The following SRRM3 variants were observed in gnomAD, a reference collection of about 807,000 sequenced individuals.
SRRM3 encodes the protein serine/arginine repetitive matrix 3, also known as serine/arginine repetitive matrix protein 3.
SRRM3 carries 27 observed loss-of-function variants against 66.2 expected under a neutral mutation model. The ratio of observed to expected loss-of-function variants is 0.41; its 90% CI spans 0.30 to 0.56. The LOEUF is 0.56. Ranked by LOEUF, SRRM3 falls within the 20% of genes least tolerant of loss-of-function variation. SRRM3 has a pLI of 0.32. For synonymous variants in SRRM3, 391 were observed against 414.9 expected (o/e 0.94, Z 0.70); for missense variants, 918 against 991.9 (o/e 0.93, Z 1.00).
chr7:76,235,232 G>A lies in SRRM3; in HGVS notation c.166G>A (p.Asp56Asn), dbSNP rs1554604696. 6.4e-7 allele frequency: 1 copy of A among 1,555,670 alleles called. No homozygotes were observed. Among genetic ancestry groups the A allele is most frequent in the East Asian group, 2.4e-5 (1 of 42,044 alleles). The change falls in exon 2 of 15, where the codon GAC (aspartate) becomes AAC (asparagine). Residue 56 changes from aspartate (D) to asparagine (N), a missense_variant. By Grantham distance (23) the Asp-to-Asn change is conservative (BLOSUM62 1). Transcript: ENST00000611745. The part of the protein sequence containing the change: ...LVKRAHREIL[D>N]HERKRRVELK... ...GAAGCGCGCGCACCGCGAGATCCTG[G>A]ACCACGAGCGCAAGCGGCGGGTGGA...
chr7:76,216,632 G>T (rs1800577155), intron 1 of SRRM3, among the ~76,000 whole-genome samples: 2 of 152,192 alleles, frequency 1.3e-5, no homozygotes, highest in African/African-American at 4.8e-5. Context: ...GTTCATTTTG[G>T]TGGGAGGGTC....
At chr7:76,223,520 A>G (rs556343319) in intron 1 of SRRM3, among the ~76,000 whole-genome samples, 1 of 152,264 alleles carries the variant, frequency 6.6e-6, no homozygotes, top group South Asian at 2.1e-4. Flanking sequence ...ATCTTGACAA[A>G]CGATTGTTGC....
At chr7:76,214,033 C>G (rs1800498899) in intron 1 of SRRM3, among the ~76,000 whole-genome samples, 1 of 152,134 alleles carries the variant, frequency 6.6e-6, no homozygotes, top group African/African-American at 2.4e-5. Flanking sequence ...CCACCTCAGC[C>G]TCCCAAAGTG....
chr7:76,271,853 C>T (rs1802222780), intron 11 of SRRM3, among the ~76,000 whole-genome samples: 1 of 152,204 alleles, frequency 6.6e-6, no homozygotes, highest in Non-Finnish European at 1.5e-5. Flanking sequence ...TCTCTCATGT[C>T]CCTAGGCCAA....
At chr7:76,228,989 C>G (rs894891233) in intron 1 of SRRM3, among the ~76,000 whole-genome samples, 1 of 151,692 alleles carries the variant, frequency 6.6e-6, no homozygotes, top group Non-Finnish European at 1.5e-5. Context: ...AGCTCTGCCC[C>G]CTGGGTTCAC....
At chr7:76,225,473 C>G (rs1456945453) in intron 1 of SRRM3, among the ~76,000 whole-genome samples, 1 of 141,346 alleles carries the variant, frequency 7.1e-6, no homozygotes, top group Non-Finnish European at 1.5e-5. Flanking sequence ...CCCCTCCCCG[C>G]CCCCCCCGCC....
intron 1 of SRRM3, among the ~76,000 whole-genome samples, chr7:76,207,467 T>C (rs1554601278): frequency 6.6e-6 from 1 of 152,206 alleles, no homozygotes. Flanking sequence ...GCAGGCTTTT[T>C]TCCATGTGTC....
chr7:76,272,277 T>C (rs894915391), intron 11 of SRRM3, among the ~76,000 whole-genome samples: 8 of 152,070 alleles, frequency 5.3e-5, no homozygotes, highest in African/African-American at 1.9e-4. Flanking sequence ...TTTCAGGGGA[T>C]GGGGCAGGCA....
At chr7:76,210,199 A>G (rs199636708) in intron 1 of SRRM3, among the ~76,000 whole-genome samples, 1 of 152,310 alleles carries the variant, frequency 6.6e-6, no homozygotes, top group East Asian at 1.9e-4. Flanking sequence ...AGCCCTTGGT[A>G]TCAGACAGAG....
intron 1 of SRRM3, among the ~76,000 whole-genome samples, chr7:76,213,554 C>T (rs1554602072): frequency 1.3e-5 from 2 of 152,042 alleles, no homozygotes; most frequent in East Asian, 1.9e-4. Flanking sequence ...GGGCAGGGAC[C>T]TCGTGGGATT....
At position 76,282,871 on chromosome 7, in the gene SRRM3, C is replaced by T. The variant is rs1051631185; in HGVS notation, c.1594C>T (p.Arg532Trp). Residue 532 changes from arginine (R) to tryptophan (W), a missense_variant and splice_region_variant, in exon 13 of 15, where the codon CGG (arginine) becomes TGG (tryptophan). Arg to Trp is a moderately radical substitution (Grantham distance 101). Transcript: ENST00000611745. ...RSPSPKKPLS[R>W]DKDGEGRARH... ...GCCGTCGCCCAAGAAGCCCCTCAGC[C>T]GGTGAGTGCCCGCCCGGACCGGGCC... The T allele has an allele frequency of 1.8e-5, 26 of 1,433,932 alleles. No homozygotes were observed. Among genetic ancestry groups the T allele is most frequent in the Non-Finnish European group, 2.4e-5 (26 of 1,097,590 alleles). 88.8% of individuals were successfully genotyped at this position (1,433,932 alleles called of 1,614,324 possible).
In SRRM3 at chr7:76,228,572, A is replaced by T. The variant is rs1583884168; in HGVS notation, c.-39-6456A>T. ...ACCCTGTCTCTACTAAAAATACAAA[A>T]AGTTAGCCGGGTGTAGTGGTGTGCA... On this transcript the variant is annotated intron_variant, in intron 1 of 14. Coordinates refer to ENST00000611745, the MANE Select transcript of SRRM3 (RefSeq NM_001110199.3). Among the ~76,000 whole-genome samples, 6 of 151,944 alleles carry T rather than the reference A, an allele frequency of 3.9e-5. No individual in the cohort carries two copies. In the South Asian group the frequency reaches 1.2e-3, roughly 32 times the overall value.
chr7:76,264,645 G>A, intron 8 of SRRM3, 120 bp from the exon 9 acceptor site: 2 of 1,014,016 alleles, frequency 2.0e-6, no homozygotes, highest in Admixed American at 2.5e-5. Context: ...GCCAGCCATG[G>A]GGCTTAGGCC....
At chr7:76,222,504 C>T (rs975423820) in intron 1 of SRRM3, among the ~76,000 whole-genome samples, 1 of 151,970 alleles carries the variant, frequency 6.6e-6, no homozygotes, top group South Asian at 2.1e-4. Context: ...TCCCTATTGC[C>T]TGCAGGGTGT....
chr7:76,204,292 C>A (rs1423614064), intron 1 of SRRM3, among the ~76,000 whole-genome samples: 3 of 152,118 alleles, frequency 2.0e-5, no homozygotes, highest in Non-Finnish European at 4.4e-5. Flanking sequence ...CCAGGGGCAC[C>A]AATGGGGAGG....
chr7:76,221,428 TCTC>T (rs1214693110), intron 1 of SRRM3, among the ~76,000 whole-genome samples: 8 of 144,584 alleles, frequency 5.5e-5, no homozygotes, highest in African/African-American at 1.8e-4. Flanking sequence ...AGTGGCATGA[TCTC>T]AGCTCACTGC....
intron 1 of SRRM3, among the ~76,000 whole-genome samples, chr7:76,224,701 T>C (rs1800810726): frequency 6.6e-6 from 1 of 152,144 alleles, no homozygotes; most frequent in Admixed American, 6.5e-5. Context: ...CGTACACTGA[T>C]ACACAGAGAT....
chr7:76,216,028 C>T (rs1417012826), intron 1 of SRRM3, among the ~76,000 whole-genome samples: 2 of 150,972 alleles, frequency 1.3e-5, no homozygotes, highest in East Asian at 1.9e-4. Flanking sequence ...AGGATGGTCT[C>T]GATCTCCTGA....
At chr7:76,216,432 T>C (rs1800573600) in intron 1 of SRRM3, among the ~76,000 whole-genome samples, 1 of 152,240 alleles carries the variant, frequency 6.6e-6, no homozygotes, top group South Asian at 2.1e-4. Flanking sequence ...CCACTGAGCC[T>C]GGACAGGGAG....
Sources: allele counts gnomAD v4.1 joint callset (sites outside exome capture counted in the v4.1 genomes callset), GRCh38; gene constraint gnomAD v4.1.1; transcripts MANE v1.5; gene names NCBI Gene and HGNC (gene_info 2026-07-23, HGNC 2026-07-21).